The following L3MBTL4 variants were observed in gnomAD, a reference collection of about 807,000 sequenced individuals.
The protein encoded by L3MBTL4 is L3MBTL histone methyl-lysine binding protein 4.
In L3MBTL4, 70 loss-of-function variants were observed where a neutral mutation model predicts 84.5. The ratio of observed to expected loss-of-function variants is 0.83; its 90% CI spans 0.68 to 1.01. L3MBTL4 has a LOEUF of 1.01. Among genes scored for constraint, L3MBTL4 ranks in the 50% least tolerant of loss-of-function variants. The probability of loss-of-function intolerance (pLI) is 0.00; values close to 1 mark genes in which losing one functional copy is unlikely to be tolerated. For synonymous variants in L3MBTL4, 274 were observed against 259.8 expected (o/e 1.05, Z -0.52); for missense variants, 715 against 754.8 (o/e 0.95, Z 0.62).
At chr18:6,329,151 CTTTTTTT>C (rs992694853) in intron 1 of L3MBTL4, among the ~76,000 whole-genome samples, 1 of 126,556 alleles carries the variant, frequency 7.9e-6, no homozygotes, top group Admixed American at 8.1e-5. Context: ...TTTTTCTTTT[CTTTTTTT>C]TTTTTTTTTT....
chr18:6,295,346 C>CTCTCTCTCTCTCTATATATATATATATA (rs1261475809), intron 4 of L3MBTL4, among the ~76,000 whole-genome samples: 5 of 81,378 alleles, frequency 6.1e-5, no homozygotes, highest in African/African-American at 3.3e-4. Context: ...CTCTCTCTCT[C>CTCTCTCTCTCTCTATATATATATATATA]TATATATATA....
At chr18:5,985,034 G>T (rs1046156035) in intron 16 of L3MBTL4, among the ~76,000 whole-genome samples, 3 of 151,950 alleles carry the variant, frequency 2.0e-5, no homozygotes, top group African/African-American at 7.2e-5. Context: ...GAAGGAGGAA[G>T]AATTTAATGA....
Position 6,414,434 on chromosome 18 carries a change from C to G in L3MBTL4, c.-91+367G>C, listed in dbSNP as rs1022875855. On this transcript the variant is annotated intron_variant, in intron 1 of 18. Coordinates refer to ENST00000317931, the MANE Select transcript of L3MBTL4 (RefSeq NM_001330559.2). The surrounding 1 kb of genome is among the most constrained non-coding windows in gnomAD (Gnocchi z 5.4). Reference sequence around the variant, plus strand: ...GGAGTCCCGTCCCGTCCCGCTCCCCCGGTCCCAGGCTGCGCTGGCTCCAGG... The same window carrying G: ...GGAGTCCCGTCCCGTCCCGCTCCCCGGGTCCCAGGCTGCGCTGGCTCCAGG... Among the ~76,000 whole-genome samples, 8 of 152,160 alleles carry G rather than the reference C, an allele frequency of 5.3e-5. No individual in the cohort carries two copies. The highest frequency in any genetic ancestry group is 1.2e-4 in the Non-Finnish European group (8 of 68,014).
chr18:6,381,347 C>T (rs1210515176), intron 1 of L3MBTL4, among the ~76,000 whole-genome samples: 3 of 152,044 alleles, frequency 2.0e-5, no homozygotes, highest in African/African-American at 7.3e-5. Flanking sequence ...GGTTAATATT[C>T]TTATGTGTGA....
At chr18:6,200,222 A>G (rs599263) in intron 12 of L3MBTL4, among the ~76,000 whole-genome samples, 1 of 152,216 alleles carries the variant, frequency 6.6e-6, no homozygotes, top group Non-Finnish European at 1.5e-5. Flanking sequence ...AGAAGATGCA[A>G]TTATATTTTG....
chr18:6,058,681 G>A (rs898124357), intron 16 of L3MBTL4, among the ~76,000 whole-genome samples: 1 of 152,160 alleles, frequency 6.6e-6, no homozygotes, highest in Non-Finnish European at 1.5e-5. Flanking sequence ...TGGCAGTGCT[G>A]TGGGAGGAAT....
intron 18 of L3MBTL4, 35 bp downstream of exon 18, chr18:5,960,059 T>TGC: frequency 2.5e-6 from 1 of 399,160 alleles, no homozygotes; most frequent in Non-Finnish European, 4.0e-6. Flanking sequence ...TATATATATA[T>TGC]ACATATATAT....
chr18:5,983,291 A>G (rs1312560864), intron 16 of L3MBTL4, among the ~76,000 whole-genome samples: 1 of 152,232 alleles, frequency 6.6e-6, no homozygotes, highest in Non-Finnish European at 1.5e-5. Flanking sequence ...CTACTTCAGG[A>G]ATAGCCACTG....
chr18:6,289,690 C>T (rs1201527720), intron 4 of L3MBTL4, among the ~76,000 whole-genome samples: 1 of 152,070 alleles, frequency 6.6e-6, no homozygotes, highest in East Asian at 1.9e-4. Context: ...CTCTCTACTT[C>T]AACTTTTTTT....
intron 1 of L3MBTL4, among the ~76,000 whole-genome samples, chr18:6,344,017 G>C (rs967310344): frequency 7.2e-5 from 10 of 139,274 alleles, no homozygotes; most frequent in African/African-American, 2.5e-4. Flanking sequence ...AAAAAAAATA[G>C]GCCCAAACGG....
intron 17 of L3MBTL4, among the ~76,000 whole-genome samples, chr18:5,965,171 C>T (rs544732256): frequency 2.0e-5 from 3 of 152,282 alleles, no homozygotes; most frequent in African/African-American, 7.2e-5. Context: ...CATTTTATAA[C>T]CACTAAGTTG....
rs779250897 is a variant in L3MBTL4, at chr18:6,215,763, T to G, written c.857A>C (p.Lys286Thr). ...CATAGAACTTACCATTTTAAAAACT[T>G]TGGCAGGAACTGCATTGGTTTGAGT... The part of the protein sequence containing the change: ...EATQTNAVPA[K>T]VFKMRLPHGF... The change falls in exon 11 of 19, where the codon AAA becomes ACA. Residue 286 changes from lysine to threonine, a missense_variant. Lys to Thr is a moderately conservative substitution (Grantham distance 78). Coordinates refer to ENST00000317931, the MANE Select transcript of L3MBTL4 (RefSeq NM_001330559.2). The G allele has an allele frequency of 4.4e-6, 7 of 1,602,876 alleles. No individual in the cohort carries two copies. Among genetic ancestry groups the G allele is most frequent in the South Asian group, 1.1e-5 (1 of 88,392 alleles).
At position 6,353,324 on chromosome 18, in the gene L3MBTL4, A is replaced by G. The variant is rs180686015; in HGVS notation, c.-90-41268T>C. ...TTATTTGCTGCTCATCACTTATATA[A>G]TATTCTACTCATCAATTTCAATAAG... is the stretch of plus-strand genomic sequence containing the variant. On this transcript the variant is annotated intron_variant, in intron 1 of 18. Coordinates refer to ENST00000317931, the MANE Select transcript of L3MBTL4 (RefSeq NM_001330559.2). Among the ~76,000 whole-genome samples, 199 of 152,218 alleles carry G rather than the reference A, an allele frequency of 1.3e-3. 2 individuals are homozygous for G. The Middle Eastern group carries it at 0.02, about 16-fold the overall frequency.
chr18:6,020,663 A>G (rs1022497104), intron 16 of L3MBTL4, among the ~76,000 whole-genome samples: 3 of 152,188 alleles, frequency 2.0e-5, no homozygotes, highest in African/African-American at 7.2e-5. Flanking sequence ...AAGACTTTGG[A>G]GGCAAAATCA....
rs74810696 is a variant in L3MBTL4, at chr18:6,242,246, C to T, written c.461-797G>A. On this transcript the variant is annotated intron_variant, in intron 7 of 18. Coordinates refer to ENST00000317931, the MANE Select transcript of L3MBTL4 (RefSeq NM_001330559.2). Reference sequence around the variant, plus strand: ...CTCGCAAAGCGCACTCCTGCCCCGGCGCCTGCTCCTGTTCTTCCCTTGGAG... The same window carrying T: ...CTCGCAAAGCGCACTCCTGCCCCGGTGCCTGCTCCTGTTCTTCCCTTGGAG... Among the ~76,000 whole-genome samples the T allele has an allele frequency of 3.0e-3, 459 of 152,258 alleles. 2 individuals are homozygous for T. The highest frequency in any genetic ancestry group is 0.011 in the African/African-American group (438 of 41,552).
intron 6 of L3MBTL4, 134 bp from the exon 7 acceptor site, chr18:6,243,563 A>G: frequency 1.6e-6 from 1 of 628,034 alleles, no homozygotes; most frequent in South Asian, 3.6e-5. Flanking sequence ...AAATGTTTCC[A>G]TTAAAGAAGA....
intron 4 of L3MBTL4, among the ~76,000 whole-genome samples, chr18:6,300,689 A>G (rs890172069): frequency 1.1e-4 from 17 of 152,224 alleles, no homozygotes; most frequent in African/African-American, 3.4e-4. Context: ...TTTCGACCAC[A>G]GAATAAGACA....
intron 14 of L3MBTL4, among the ~76,000 whole-genome samples, chr18:6,132,927 T>C (rs73938754): frequency 0.052 from 7,944 of 152,218 alleles, 695 homozygotes; most frequent in African/African-American, 0.18. Flanking sequence ...TGAGATGCTC[T>C]GCTACCTTAA....
intron 4 of L3MBTL4, among the ~76,000 whole-genome samples, chr18:6,270,546 T>C (rs2048822411): frequency 6.6e-6 from 1 of 152,148 alleles, no homozygotes; most frequent in African/African-American, 2.4e-5. Flanking sequence ...ACAATGTGTC[T>C]GGAATCAAAA....
Sources: allele counts gnomAD v4.1 joint callset (sites outside exome capture counted in the v4.1 genomes callset), GRCh38; gene constraint gnomAD v4.1.1; non-coding constraint Gnocchi (gnomAD v3.1); transcripts MANE v1.5; gene names NCBI Gene and HGNC (gene_info 2026-07-23, HGNC 2026-07-21).